Variants in SRBD1 observed in about 807,000 individuals in gnomAD.
The protein encoded by SRBD1 is S1 RNA-binding domain-containing protein 1.
In SRBD1, 88 loss-of-function variants were observed where a neutral mutation model predicts 115.3. The ratio of observed to expected loss-of-function variants is 0.76; its 90% CI spans 0.64 to 0.91. The LOEUF is 0.91. Among genes scored for constraint, SRBD1 ranks in the 40% least tolerant of loss-of-function variants. SRBD1 has a pLI of 0.00. For missense variants in SRBD1, 1,385 were observed against 1,177.4 expected (o/e 1.18, Z -2.58); for synonymous variants, 509 against 407.7 (o/e 1.25, Z -2.99).
Position 45,451,061 on chromosome 2 carries a change from G to A in SRBD1, c.2049+25932C>T, listed in dbSNP as rs142214361. 8.3e-4 allele frequency among the ~76,000 whole-genome samples: 127 copies of A among 152,148 alleles called. 1 individual carries two copies. The highest frequency in any genetic ancestry group is 2.9e-3 in the African/African-American group (121 of 41,532). On this transcript the variant is annotated intron_variant, in intron 16 of 20. Coordinates refer to ENST00000263736, the MANE Select transcript of SRBD1 (RefSeq NM_018079.5). ...CACAACATCAAGGACAGAAAACAAAGGACAAAATTGCAAATAATGTCTTGA... is the reference window on the plus strand; with the variant it reads ...CACAACATCAAGGACAGAAAACAAAAGACAAAATTGCAAATAATGTCTTGA...
chr2:45,591,574 A>T (rs1673725799), intron 4 of SRBD1, among the ~76,000 whole-genome samples: 1 of 152,190 alleles, frequency 6.6e-6, no homozygotes, highest in Non-Finnish European at 1.5e-5. Flanking sequence ...GAGTGTGAAG[A>T]TCAGGTGAGA....
chr2:45,459,601 G>A (rs1223694245), intron 16 of SRBD1, among the ~76,000 whole-genome samples: 1 of 152,066 alleles, frequency 6.6e-6, no homozygotes, highest in African/African-American at 2.4e-5. Flanking sequence ...TTTAAACAAA[G>A]AACTACTAAA....
At chr2:45,478,877 T>G (rs537932511) in intron 15 of SRBD1, among the ~76,000 whole-genome samples, 8 of 152,184 alleles carry the variant, frequency 5.3e-5, no homozygotes, top group Admixed American at 3.9e-4. Context: ...AGACACCACA[T>G]TTCTTCCAAG....
intron 17 of SRBD1, 142 bp downstream of exon 17, chr2:45,419,644 CTG>C: frequency 1.6e-6 from 1 of 636,290 alleles, no homozygotes; most frequent in South Asian, 1.9e-5. Flanking sequence ...GTCTTCCCCT[CTG>C]ATTACTTAAA....
chr2:45,587,243 T>C (rs1376871908), intron 4 of SRBD1, among the ~76,000 whole-genome samples: 2 of 146,772 alleles, frequency 1.4e-5, no homozygotes, highest in Non-Finnish European at 3.0e-5. Flanking sequence ...TTTGAAATTA[T>C]TTTAAATACA....
At chr2:45,412,229 A>T (rs1172170816) in intron 19 of SRBD1, among the ~76,000 whole-genome samples, 1 of 152,206 alleles carries the variant, frequency 6.6e-6, no homozygotes, top group African/African-American at 2.4e-5. Flanking sequence ...ATAGGAATTC[A>T]CTGTAAAAAT....
At chr2:45,457,665 G>A (rs559908429) in intron 16 of SRBD1, among the ~76,000 whole-genome samples, 17 of 151,974 alleles carry the variant, frequency 1.1e-4, no homozygotes, top group African/African-American at 3.9e-4. Flanking sequence ...AAAATACCCC[G>A]ACAAACACTT....
chr2:45,458,741 T>C (rs1669225237), intron 16 of SRBD1, among the ~76,000 whole-genome samples: 1 of 152,142 alleles, frequency 6.6e-6, no homozygotes, highest in South Asian at 2.1e-4. Flanking sequence ...ACTTCCTTTT[T>C]AGAACACACA....
intron 16 of SRBD1, among the ~76,000 whole-genome samples, chr2:45,453,485 A>T (rs1392131495): frequency 1.3e-5 from 2 of 151,940 alleles, no homozygotes; most frequent in Non-Finnish European, 2.9e-5. Flanking sequence ...TGTTATTAAC[A>T]AACAAATTAC....
chr2:45,429,081 C>T (rs1400128668), intron 16 of SRBD1, among the ~76,000 whole-genome samples: 1 of 152,070 alleles, frequency 6.6e-6, no homozygotes, highest in Non-Finnish European at 1.5e-5. Flanking sequence ...CATATACCCA[C>T]CCAAGACTAC....
At chr2:45,585,254 A>G (rs1460464677) in intron 5 of SRBD1, among the ~76,000 whole-genome samples, 1 of 152,188 alleles carries the variant, frequency 6.6e-6, no homozygotes, top group Non-Finnish European at 1.5e-5. Context: ...AAAAGGACAG[A>G]TTTATGTGAG....
At chr2:45,398,157 G>C (rs990317782) in intron 19 of SRBD1, among the ~76,000 whole-genome samples, 2 of 152,022 alleles carry the variant, frequency 1.3e-5, no homozygotes, top group Non-Finnish European at 2.9e-5. Context: ...AGCTGAGACC[G>C]TTTTTTTACA....
intron 20 of SRBD1, among the ~76,000 whole-genome samples, chr2:45,390,316 T>G (rs150879404): frequency 6.6e-5 from 10 of 152,334 alleles, no homozygotes; most frequent in Non-Finnish European, 1.3e-4. Context: ...GAAACAATGA[T>G]GAAGATACAG....
intron 14 of SRBD1, among the ~76,000 whole-genome samples, chr2:45,522,819 G>A (rs1671326562): frequency 6.6e-6 from 1 of 151,644 alleles, no homozygotes; most frequent in African/African-American, 2.4e-5. Context: ...TAACAATATC[G>A]AATACAAGAC....
chr2:45,609,951 T>G lies in SRBD1; in HGVS notation c.-1+1268A>C, dbSNP rs867956939. ...TAGCACTTAACAGATGCCCTACAACTATTAAATGAACATAATATGTACAAA... is the reference window on the plus strand; with the variant it reads ...TAGCACTTAACAGATGCCCTACAACGATTAAATGAACATAATATGTACAAA... On this transcript the variant is annotated intron_variant, in intron 1 of 20. Transcript: ENST00000263736. Among the ~76,000 whole-genome samples, 3 of 152,336 alleles carry G rather than the reference T, an allele frequency of 2.0e-5. 1 individual carries two copies. Among genetic ancestry groups the G allele is most frequent in the Non-Finnish European group, 4.4e-5 (3 of 68,028 alleles).
chr2:45,501,481 C>A (rs1670628669), intron 14 of SRBD1, among the ~76,000 whole-genome samples: 1 of 152,102 alleles, frequency 6.6e-6, no homozygotes, highest in African/African-American at 2.4e-5. Context: ...TGAGGTGAAG[C>A]AGGGCAAGGC....
At chr2:45,517,651 A>G (rs1274725170) in intron 14 of SRBD1, among the ~76,000 whole-genome samples, 1 of 152,138 alleles carries the variant, frequency 6.6e-6, no homozygotes, top group East Asian at 1.9e-4. Flanking sequence ...TTCAGTTTAT[A>G]TTTTATTTTT....
At chr2:45,555,203 T>C (rs560648862) in intron 10 of SRBD1, among the ~76,000 whole-genome samples, 2 of 152,252 alleles carry the variant, frequency 1.3e-5, no homozygotes, top group South Asian at 2.1e-4. Context: ...CTGGGCAACA[T>C]AGCCAGACCT....
intron 16 of SRBD1, among the ~76,000 whole-genome samples, chr2:45,428,297 T>C (rs1668219427): frequency 6.6e-6 from 1 of 152,064 alleles, no homozygotes; most frequent in African/African-American, 2.4e-5. Context: ...ACGCCTGTAA[T>C]CCCAGCACTT....
Sources: gnomAD v4.1 joint callset for allele counts (sites outside exome capture counted in the v4.1 genomes callset) on GRCh38, gnomAD v4.1.1 for gene constraint, MANE v1.5 for transcripts, NCBI Gene and HGNC (gene_info 2026-07-23, HGNC 2026-07-21) for gene names.